The following CTNNA2 variants were observed in gnomAD, a reference collection of about 807,000 sequenced individuals.
CTNNA2 encodes catenin alpha-2.
Under a neutral mutation model 101.0 loss-of-function variants are expected in CTNNA2, and 42 were observed. That is an observed-to-expected ratio of 0.42 (90% confidence interval 0.32 to 0.54). The LOEUF is 0.54. Among genes scored for constraint, CTNNA2 ranks in the 20% least tolerant of loss-of-function variants. The probability of loss-of-function intolerance (pLI) is 0.14; values close to 1 mark genes in which losing one functional copy is unlikely to be tolerated. For missense variants in CTNNA2, 871 were observed against 1,223.1 expected (o/e 0.71, Z 4.29); for synonymous variants, 450 against 456.4 (o/e 0.99, Z 0.18).
intron 7 of CTNNA2, among the ~76,000 whole-genome samples, chr2:80,129,900 A>C (rs188832399): frequency 6.6e-6 from 1 of 152,266 alleles, no homozygotes; most frequent in African/African-American, 2.4e-5. Context: ...CCTCAGAACT[A>C]TGCTAAGTCC....
chr2:80,193,153 G>A (rs904229308), intron 7 of CTNNA2, among the ~76,000 whole-genome samples: 34 of 152,106 alleles, frequency 2.2e-4, no homozygotes, highest in African/African-American at 7.2e-4. Flanking sequence ...AAACCTTAGT[G>A]TTTTTAGTAA....
At chr2:80,263,817 G>GGTTCAACT (rs1275799767) in intron 7 of CTNNA2, among the ~76,000 whole-genome samples, 1 of 152,024 alleles carries the variant, frequency 6.6e-6, no homozygotes. Context: ...CTTGAATATT[G>GGTTCAACT]GTTCCACTGT....
chr2:80,075,620 ATAAATAT>A (rs2148789793), intron 7 of CTNNA2, among the ~76,000 whole-genome samples: 1 of 106,508 alleles, frequency 9.4e-6, no homozygotes. Flanking sequence ...ATGTATAAAT[ATAAATAT>A]TTATACATGT....
intron 2 of CTNNA2, among the ~76,000 whole-genome samples, chr2:79,727,847 G>A (rs183669684): frequency 1.2e-3 from 187 of 151,046 alleles, no homozygotes; most frequent in African/African-American, 4.2e-3. Flanking sequence ...TTGTTCTTGC[G>A]ATAGTTTACT....
chr2:80,271,942 T>A (rs900692731), intron 7 of CTNNA2, among the ~76,000 whole-genome samples: 1 of 152,212 alleles, frequency 6.6e-6, no homozygotes, highest in South Asian at 2.1e-4. Flanking sequence ...GAGAGTCTTT[T>A]AGTGAGTGCT....
chr2:80,380,936 C>A (rs1676458267), intron 7 of CTNNA2, among the ~76,000 whole-genome samples: 1 of 152,114 alleles, frequency 6.6e-6, no homozygotes, highest in African/African-American at 2.4e-5. Context: ...GACATGTGTT[C>A]CAGGGTTTCG....
Position 80,610,253 on chromosome 2 carries a change from T to A in CTNNA2, c.2430+1935T>A, listed in dbSNP as rs549767014. On this transcript the variant is annotated intron_variant, in intron 17 of 18. Transcript: ENST00000402739. Reference sequence around the variant, plus strand: ...CTTTGCCAATTCTGCCTCCATCTTTTTCTTCATGCTCCTTCACTGATGGCC... The same window carrying A: ...CTTTGCCAATTCTGCCTCCATCTTTATCTTCATGCTCCTTCACTGATGGCC... Among the ~76,000 whole-genome samples the A allele has an allele frequency of 1.3e-3, 192 of 151,742 alleles. 1 individual carries two copies. The highest frequency in any genetic ancestry group is 4.5e-3 in the African/African-American group (188 of 41,464).
intron 7 of CTNNA2, among the ~76,000 whole-genome samples, chr2:80,015,590 A>C (rs564084249): frequency 1.3e-5 from 2 of 152,118 alleles, no homozygotes; most frequent in Non-Finnish European, 2.9e-5. Flanking sequence ...GGGACGTGGA[A>C]TGGGGAGTTG....
chr2:80,165,965 G>A (rs1704663948), intron 7 of CTNNA2, among the ~76,000 whole-genome samples: 2 of 152,084 alleles, frequency 1.3e-5, no homozygotes, highest in South Asian at 4.1e-4. Flanking sequence ...TTTTTCAATG[G>A]TGTTTACCTA....
At chr2:80,139,778 G>A (rs1399333392) in intron 7 of CTNNA2, among the ~76,000 whole-genome samples, 1 of 152,108 alleles carries the variant, frequency 6.6e-6, no homozygotes, top group Non-Finnish European at 1.5e-5. Flanking sequence ...CAATTTCTCT[G>A]GTCTTGTCAT....
intron 7 of CTNNA2, among the ~76,000 whole-genome samples, chr2:80,185,340 G>A (rs1333990486): frequency 2.0e-5 from 3 of 152,132 alleles, no homozygotes; most frequent in Non-Finnish European, 4.4e-5. Flanking sequence ...GTAACAAGAG[G>A]GAAGTCACTG....
chr2:80,452,734 C>T (rs1436640519), intron 9 of CTNNA2, among the ~76,000 whole-genome samples: 6 of 151,504 alleles, frequency 4.0e-5, no homozygotes, highest in Admixed American at 6.6e-5. Context: ...GTGAAATATT[C>T]AAACTATCAG....
intron 6 of CTNNA2, among the ~76,000 whole-genome samples, chr2:79,882,188 T>C (rs1340072831): frequency 6.6e-6 from 1 of 152,208 alleles, no homozygotes; most frequent in African/African-American, 2.4e-5. Context: ...GTTAGTCTGA[T>C]GGACTTCCCT....
intron 3 of CTNNA2, among the ~76,000 whole-genome samples, chr2:79,331,674 A>G (rs6547229): frequency 0.36 from 54,670 of 151,882 alleles, 10,257 homozygotes; most frequent in African/African-American, 0.47. Context: ...CCCTGTGCAT[A>G]GGGACCTCTC....
chr2:79,284,845 C>T (rs528242067), intron 2 of CTNNA2, among the ~76,000 whole-genome samples: 3,555 of 144,658 alleles, frequency 0.025, 116 homozygotes, highest in African/African-American at 0.075. Context: ...GTACCAGTTC[C>T]TCCTTGTACC....
At chr2:80,179,383 G>GT (rs1200077124) in intron 7 of CTNNA2, among the ~76,000 whole-genome samples, 12 of 151,498 alleles carry the variant, frequency 7.9e-5, no homozygotes, top group South Asian at 2.1e-4. Flanking sequence ...TTGTTTTTTT[G>GT]TTTTTTTTGA....
intron 3 of CTNNA2, among the ~76,000 whole-genome samples, chr2:79,744,928 A>T (rs1671538204): frequency 6.6e-6 from 1 of 152,196 alleles, no homozygotes; most frequent in Non-Finnish European, 1.5e-5. Flanking sequence ...GTTTCTATGG[A>T]TGAAGGGGGA....
intron 2 of CTNNA2, among the ~76,000 whole-genome samples, chr2:79,297,673 C>T (rs1676013001): frequency 1.3e-5 from 2 of 152,176 alleles, no homozygotes; most frequent in African/African-American, 4.8e-5. Flanking sequence ...CTATTTATCT[C>T]TCTATCTATA....
At chr2:79,391,072 C>A (rs1190097533) in intron 4 of CTNNA2, among the ~76,000 whole-genome samples, 1 of 152,172 alleles carries the variant, frequency 6.6e-6, no homozygotes, top group African/African-American at 2.4e-5. Context: ...TCACCATTGC[C>A]TACTTTCCCC....
Sources: allele counts gnomAD v4.1 joint callset (sites outside exome capture counted in the v4.1 genomes callset), GRCh38; gene constraint gnomAD v4.1.1; transcripts MANE v1.5; gene names NCBI Gene and HGNC (gene_info 2026-07-23, HGNC 2026-07-21).